Variants in UNC5CL observed in about 807,000 individuals in gnomAD.
The protein encoded by UNC5CL is unc-5 family C-terminal like.
In UNC5CL, 42 loss-of-function variants were observed where a neutral mutation model predicts 54.1. The ratio of observed to expected loss-of-function variants is 0.78; its 90% CI spans 0.61 to 1.00. The LOEUF is 1.00. Among genes scored for constraint, UNC5CL ranks in the 50% least tolerant of loss-of-function variants. The pLI is 0.00. For missense variants in UNC5CL, 619 were observed against 675.6 expected, an observed-to-expected ratio of 0.92 and a Z score of 0.93; for synonymous variants, 285 against 285.1, an observed-to-expected ratio of 1.00 and a Z score of 0.00.
intron 7 of UNC5CL, 42 bp from the exon 8 acceptor site, chr6:41,030,543 C>G: frequency 1.9e-6 from 3 of 1,612,678 alleles, no homozygotes; most frequent in Non-Finnish European, 2.5e-6. Flanking sequence ...AAGGGACAAA[C>G]AGACCCACTC....
At position 41,028,647 on chromosome 6, in the gene UNC5CL, C is replaced by T; in HGVS notation, c.1335-52G>A. 1 of 1,555,082 alleles carries T rather than the reference C, an allele frequency of 6.4e-7. No homozygotes were observed. The stretch of plus-strand genomic sequence containing the variant: ...AGGGTGTAGGAGCAGGGAGGGGCTC[C>T]CCCCCTGCTGCAGGCTCCCTGGGCT... On this transcript the variant is annotated intron_variant, in intron 8 of 8. Transcript: ENST00000244565. This position sits in a 1 kb window ranked among gnomAD's most constrained non-coding sequence, Gnocchi z 4.3.
At chr6:41,035,867 C>T (rs1398700813) in intron 1 of UNC5CL, among the ~76,000 whole-genome samples, 1 of 152,194 alleles carries the variant, frequency 6.6e-6, no homozygotes, top group Non-Finnish European at 1.5e-5. Flanking sequence ...TCAAATCCCA[C>T]CTCCTGCCTC....
At chr6:41,033,462 G>T (rs1762480639) in intron 3 of UNC5CL, among the ~76,000 whole-genome samples, 1 of 152,158 alleles carries the variant, frequency 6.6e-6, no homozygotes, top group South Asian at 2.1e-4. Context: ...GGGAGGCAGA[G>T]GACCTAGGAC....
Position 41,033,894 on chromosome 6 carries a change from G to A in UNC5CL, c.673C>T (p.Leu225Phe), listed in dbSNP as rs1245526554. Residue 225 changes from leucine to phenylalanine, a missense_variant, in exon 3 of 9, where the codon CTC becomes TTC. Transcript: ENST00000244565. ...HASRDECRIH[L>F]SHFSLYTCVL... ...GCATGTGCCTACCTGAAGTGGGAGA[G>A]GTGGATGCGACACTCATCCCGGGAG... 1 of 1,613,416 alleles carries A rather than the reference G, an allele frequency of 6.2e-7. No homozygotes were observed. The highest frequency in any genetic ancestry group is 1.1e-5 in the South Asian group (1 of 91,040).
intron 3 of UNC5CL, 47 bp from the exon 4 acceptor site, chr6:41,033,193 G>A (rs1360758132): frequency 1.9e-6 from 3 of 1,584,424 alleles, no homozygotes; most frequent in Non-Finnish European, 2.6e-6. Flanking sequence ...GGAAGGCTAA[G>A]ACACCAACAC....
In UNC5CL at chr6:41,030,645, C is replaced by G. The variant is rs1356526212; in HGVS notation, c.1220+10G>C. ...CCCCCAGGCAGCAGCCCAAGCAACC[C>G]CCGTCTCACCTATTGCATGGGGGCG... On this transcript the variant is annotated intron_variant, in intron 7 of 8. Transcript: ENST00000244565. 56 of 1,613,876 alleles carry G rather than the reference C, an allele frequency of 3.5e-5. No homozygotes were observed. The highest frequency in any genetic ancestry group is 4.5e-5 in the Non-Finnish European group (53 of 1,179,978).
At chr6:41,038,941 T>C (rs9394755) in intron 1 of UNC5CL, among the ~76,000 whole-genome samples, 38,256 of 152,058 alleles carry the variant, frequency 0.25, 5,019 homozygotes, top group African/African-American at 0.32. Context: ...AAGTCATGAA[T>C]GGCATTTGTT....
rs745859297 is a variant in UNC5CL at position 41,032,113 on chromosome 6, C to T, written c.974G>A (p.Ser325Asn). The change falls in exon 5 of 9, where the codon AGT (serine) becomes AAT (asparagine). Residue 325 changes from serine (S) to asparagine (N), a missense_variant. Coordinates refer to ENST00000244565, the MANE Select transcript of UNC5CL (RefSeq NM_173561.3). ...SEGWENVDDS[S>N]CQLVPHLHIW... ...GTGGAGATGGGGAACCAGCTGGCAA[C>T]TGCTGTCATCCACATTCTCCCAACC... is the stretch of plus-strand genomic sequence containing the variant. 1.9e-6 allele frequency: 3 copies of T among 1,614,074 alleles called. No homozygotes were observed. Among genetic ancestry groups the T allele is most frequent in the Admixed American group, 1.7e-5 (1 of 60,012 alleles).
Position 41,030,702 on chromosome 6 carries a change from T to G in UNC5CL, c.1173A>C (p.Glu391Asp). ...EILRFQASEE[E>D]SWAAPPPVSQ... ...AAACAGGTGGTGGCGCTGCCCAGGA[T>G]TCCTCCTCTGATGCCTGGAATCTGA... The change falls in exon 7 of 9, where the codon GAA becomes GAC. Residue 391 changes from glutamate (E) to aspartate (D), a missense_variant. Glu to Asp is a conservative substitution (Grantham distance 45, BLOSUM62 2). Transcript: ENST00000244565. 6.2e-7 allele frequency: 1 copy of G among 1,614,078 alleles called. No individual in the cohort carries two copies. Among genetic ancestry groups the G allele is most frequent in the Non-Finnish European group, 8.5e-7 (1 of 1,180,000 alleles).
intron 4 of UNC5CL, 111 bp from the exon 5 acceptor site, chr6:41,032,248 G>A: frequency 1.2e-6 from 1 of 858,336 alleles, no homozygotes. Flanking sequence ...GGTCTCAAGG[G>A]AATGGGAATC....
chr6:41,037,964 C>G (rs553613987), intron 1 of UNC5CL, among the ~76,000 whole-genome samples: 1 of 152,170 alleles, frequency 6.6e-6, no homozygotes, highest in Non-Finnish European at 1.5e-5. Context: ...GCCTTAGGAG[C>G]GAGGTGTTAT....
chr6:41,028,687 C>A lies in UNC5CL; in HGVS notation c.1335-92G>T, dbSNP rs1762418315. ...CTCCCTGGGCTGCGCAGCGCAAGGT[C>A]CGTCCCTTCCCCATCCTGTAGCTTT... On this transcript the variant is annotated intron_variant, in intron 8 of 8. Transcript: ENST00000244565. This position sits in a 1 kb window ranked among gnomAD's most constrained non-coding sequence, Gnocchi z 4.3. 2 of 1,205,304 alleles carry A rather than the reference C, an allele frequency of 1.7e-6. No individual in the cohort carries two copies. Among genetic ancestry groups the A allele is most frequent in the East Asian group, 2.4e-5 (1 of 41,712 alleles). 74.7% of individuals were successfully genotyped at this position (1,205,304 alleles called of 1,614,324 possible).
chr6:41,027,758 G>T lies in UNC5CL; in HGVS notation c.*615C>A, dbSNP rs1172871345. On this transcript the variant is annotated 3_prime_UTR_variant, in exon 9 of 9. Coordinates refer to ENST00000244565, the MANE Select transcript of UNC5CL (RefSeq NM_173561.3). ...CCCTCTTCCCCTACCCGCCCCTAAA[G>T]ATCTCCAAACCACTCGGCAAATCAA... 2.0e-5 allele frequency: 3 copies of T among 152,304 alleles called. No individual in the cohort carries two copies. The highest frequency in any genetic ancestry group is 2.9e-5 in the Non-Finnish European group (2 of 68,098). The allele number at this position is 152,304 out of a possible 1,614,324, so 9.4% of individuals were successfully genotyped here.
In UNC5CL at chr6:41,036,765, TGAA is replaced by T. The variant is rs1262917720; in HGVS notation, c.-61-1633_-61-1631del. Among the ~76,000 whole-genome samples the T allele has an allele frequency of 5.0e-5, 7 of 139,708 alleles. No individual in the cohort carries two copies. In the South Asian group the frequency reaches 6.8e-4, roughly 13 times the overall value. The allele number at this position is 139,708 out of a possible 152,430, so 91.7% of individuals were successfully genotyped here. A position where few individuals can be genotyped will look rare whatever the true frequency, so the allele number is the denominator to read the frequency against. On this transcript the variant is annotated intron_variant, in intron 1 of 8. Transcript: ENST00000244565. ...AAGTGGAAGCAAAAAAAAAAAAAAA[TGAA>T]GAAGACAAAACACAAAGATGCAGCC...
At chr6:41,031,941 G>A (rs1314715763) in intron 5 of UNC5CL, 95 bp downstream of exon 5, 2 of 1,336,088 alleles carry the variant, frequency 1.5e-6, no homozygotes, top group Admixed American at 3.5e-5. Flanking sequence ...TGGCTGCATG[G>A]GGGTCTGCAG....
rs1343689888 is a variant in UNC5CL, at chr6:41,035,027, C to A, written c.48G>T (p.Leu16=). Reference sequence around the variant, plus strand: ...GGACACTTGCCACTGGGACCCCCACCAGCAGTAGGAACTGGGAGGGTTGGA... The same window carrying A: ...GGACACTTGCCACTGGGACCCCCACAAGCAGTAGGAACTGGGAGGGTTGGA... ...SSFQPSQFLL[L]VGVPVASVLL... The change falls in exon 2 of 9, where the codon CTG becomes CTT. Residue 16 remains leucine (L), a synonymous_variant. Transcript: ENST00000244565. The A allele has an allele frequency of 6.3e-7, 1 of 1,599,032 alleles. No homozygotes were observed. Among genetic ancestry groups the A allele is most frequent in the East Asian group, 2.2e-5 (1 of 44,488 alleles).
chr6:41,038,339 A>T (rs745693304), intron 1 of UNC5CL, among the ~76,000 whole-genome samples: 1 of 152,126 alleles, frequency 6.6e-6, no homozygotes, highest in Non-Finnish European at 1.5e-5. Context: ...CAGCTCGCTT[A>T]CACAGCAGTA....
Position 41,032,138 on chromosome 6 carries a change from C to G in UNC5CL, c.950-1G>C, listed in dbSNP as rs1374211533. On this transcript the variant is annotated splice_acceptor_variant, in intron 4 of 8. Transcript: ENST00000244565. LOFTEE classifies it high-confidence loss of function. ...CTGCTGTCATCCACATTCTCCCAACCTGGTGAGTAGGCAGACAGCAGAGGG... is the reference window on the plus strand; with the variant it reads ...CTGCTGTCATCCACATTCTCCCAACGTGGTGAGTAGGCAGACAGCAGAGGG... 1.4e-5 allele frequency: 22 copies of G among 1,613,998 alleles called. No individual in the cohort carries two copies. Among genetic ancestry groups the G allele is most frequent in the Non-Finnish European group, 1.9e-5 (22 of 1,179,892 alleles).
intron 6 of UNC5CL, 114 bp downstream of exon 6, chr6:41,031,567 C>G (rs1762452798): frequency 2.9e-6 from 3 of 1,048,708 alleles, no homozygotes; most frequent in Non-Finnish European, 4.4e-6. Context: ...ATGGAAAGTG[C>G]CATCTTTACC....
Sources: gnomAD v4.1 joint callset for allele counts (sites outside exome capture counted in the v4.1 genomes callset) on GRCh38, gnomAD v4.1.1 for gene constraint, Gnocchi (gnomAD v3.1) non-coding constraint, MANE v1.5 for transcripts, NCBI Gene and HGNC (gene_info 2026-07-23, HGNC 2026-07-21) for gene names.